RBMS1: variants seen among roughly 807,000 people sequenced by gnomAD.
RBMS1 encodes RNA binding motif single stranded interacting protein 1.
Under a neutral mutation model 62.3 loss-of-function variants are expected in RBMS1, and 17 were observed. The ratio of observed to expected loss-of-function variants is 0.27; its 90% confidence interval spans 0.19 to 0.41. RBMS1 has a LOEUF of 0.41. Among genes scored for constraint, RBMS1 ranks in the 10% least tolerant of loss-of-function variants. The pLI is 1.00. For missense variants in RBMS1, 334 were observed against 504.5 expected (o/e 0.66, Z 3.24); for synonymous variants, 172 against 170.0 (o/e 1.01, Z -0.09).
intron 4 of RBMS1, among the ~76,000 whole-genome samples, chr2:160,305,303 A>C (rs1316684201): frequency 2.0e-5 from 3 of 152,236 alleles, no homozygotes; most frequent in Non-Finnish European, 4.4e-5. Context: ...AGCTCCAGTC[A>C]TGGTAAGTGC....
chr2:160,403,303 C>T (rs1695529671), intron 1 of RBMS1, among the ~76,000 whole-genome samples: 1 of 152,220 alleles, frequency 6.6e-6, no homozygotes, highest in South Asian at 2.1e-4. Flanking sequence ...AGCTTGAAGA[C>T]GTTTACTTTC....
chr2:160,407,616 C>T (rs1284346459), intron 1 of RBMS1: 14 of 982,018 alleles, frequency 1.4e-5, no homozygotes, highest in Non-Finnish European at 1.7e-5. Flanking sequence ...AAGGAGGTGG[C>T]CGGCCGGGCC....
At chr2:160,381,832 G>A (rs1694299648) in intron 1 of RBMS1, among the ~76,000 whole-genome samples, 2 of 152,202 alleles carry the variant, frequency 1.3e-5, no homozygotes, top group South Asian at 2.1e-4. Flanking sequence ...GAGTGACACG[G>A]CCTTCCTTCC....
At chr2:160,427,022 G>A (rs1343225130) in intron 1 of RBMS1, among the ~76,000 whole-genome samples, 3 of 152,138 alleles carry the variant, frequency 2.0e-5, no homozygotes, top group Non-Finnish European at 2.9e-5. Context: ...CTGTATGTTT[G>A]TTAATTCTGC....
intron 2 of RBMS1, among the ~76,000 whole-genome samples, chr2:160,337,517 C>T (rs1559404273): frequency 6.6e-6 from 1 of 152,128 alleles, no homozygotes; most frequent in Admixed American, 6.5e-5. Flanking sequence ...GAACATCCTA[C>T]AATTCTTCCT....
At chr2:160,397,912 T>C (rs1193954138) in intron 1 of RBMS1, among the ~76,000 whole-genome samples, 1 of 152,194 alleles carries the variant, frequency 6.6e-6, no homozygotes, top group Non-Finnish European at 1.5e-5. Flanking sequence ...CTACTTTGCC[T>C]AAGGCTCCCC....
chr2:160,419,512 A>C (rs779077116), intron 1 of RBMS1, among the ~76,000 whole-genome samples: 1 of 152,210 alleles, frequency 6.6e-6, no homozygotes, highest in Non-Finnish European at 1.5e-5. Flanking sequence ...CTATCATTTA[A>C]CATTTAAAAG....
At chr2:160,339,947 G>A (rs1385380289) in intron 2 of RBMS1, among the ~76,000 whole-genome samples, 1 of 152,060 alleles carries the variant, frequency 6.6e-6, no homozygotes, top group East Asian at 1.9e-4. Flanking sequence ...TGATGTCTCA[G>A]TCATTCTCAC....
At chr2:160,379,638 A>G (rs970682333) in intron 1 of RBMS1, among the ~76,000 whole-genome samples, 2 of 152,240 alleles carry the variant, frequency 1.3e-5, no homozygotes, top group Non-Finnish European at 2.9e-5. Flanking sequence ...ATCGGATGCA[A>G]CATTTTTTCT....
intron 1 of RBMS1, among the ~76,000 whole-genome samples, chr2:160,479,296 C>T (rs1178146031): frequency 6.6e-6 from 1 of 152,250 alleles, no homozygotes; most frequent in Non-Finnish European, 1.5e-5. Context: ...CAGGGCGCAG[C>T]TCTGGGCTAC....
At position 160,493,444 on chromosome 2, in the gene RBMS1, CCGGCGGCGGCGGCAGCGGCGGCGGCGG is replaced by C; in HGVS notation, c.-108_-82del. 3.5e-6 allele frequency: 5 copies of C among 1,410,562 alleles called. No individual in the cohort carries two copies. The highest frequency in any genetic ancestry group is 1.8e-4 in the Middle Eastern group (1 of 5,664). 87.4% of individuals were successfully genotyped at this position (1,410,562 alleles called of 1,614,324 possible). ...CTCGGGCTCTCCTGCCTCTCCCTTT[CCGGCGGCGGCGGCAGCGGCGGCGGCGG>C]CGGCGGCTGCTGCTGCTGCCGCTGC... On this transcript the variant is annotated 5_prime_UTR_variant, in exon 1 of 14. Coordinates refer to ENST00000348849, the MANE Select transcript of RBMS1 (RefSeq NM_016836.4).
At chr2:160,475,040 T>C (rs1685068058) in intron 1 of RBMS1, among the ~76,000 whole-genome samples, 1 of 152,230 alleles carries the variant, frequency 6.6e-6, no homozygotes, top group Non-Finnish European at 1.5e-5. Context: ...TAACTAATTT[T>C]CTTAGAAAGT....
intron 1 of RBMS1, among the ~76,000 whole-genome samples, chr2:160,450,563 T>G (rs57747874): frequency 8.2e-6 from 1 of 122,390 alleles, no homozygotes; most frequent in African/African-American, 3.0e-5. Context: ...AAATAAAAAA[T>G]GAAAAAAAAA....
At chr2:160,356,516 GCA>G (rs1692811497) in intron 2 of RBMS1, among the ~76,000 whole-genome samples, 1 of 152,102 alleles carries the variant, frequency 6.6e-6, no homozygotes, top group South Asian at 2.1e-4. Context: ...GAGGCAGAAA[GCA>G]CAGTGGTTCA....
chr2:160,311,224 CTATCTATCTA>C (rs1460993110), intron 4 of RBMS1, among the ~76,000 whole-genome samples: 1 of 56,634 alleles, frequency 1.8e-5, no homozygotes, highest in African/African-American at 6.2e-5. Context: ...ATCTATCTAT[CTATCTATCTA>C]TATATATATA....
chr2:160,490,060 T>G (rs1685756549), intron 1 of RBMS1, among the ~76,000 whole-genome samples: 1 of 152,106 alleles, frequency 6.6e-6, no homozygotes, highest in African/African-American at 2.4e-5. Context: ...ATGCAGCCAC[T>G]GGTTGAAAAT....
chr2:160,354,452 G>T (rs1200529093), intron 2 of RBMS1, among the ~76,000 whole-genome samples: 2 of 152,048 alleles, frequency 1.3e-5, no homozygotes, highest in Non-Finnish European at 2.9e-5. Context: ...AAGGGACAGT[G>T]AAAACAATTC....
intron 9 of RBMS1, chr2:160,282,382 T>C: frequency 7.9e-7 from 1 of 1,266,908 alleles, no homozygotes; most frequent in Non-Finnish European, 1.1e-6. Flanking sequence ...CCCATTGGGG[T>C]TGGTGGTTTC....
At chr2:160,425,659 C>T (rs1423948618) in intron 1 of RBMS1, among the ~76,000 whole-genome samples, 1 of 152,130 alleles carries the variant, frequency 6.6e-6, no homozygotes, top group Non-Finnish European at 1.5e-5. Context: ...CGGACTCTAA[C>T]CCAGCTAAAC....
Sources: gnomAD v4.1 joint callset for allele counts (sites outside exome capture counted in the v4.1 genomes callset) on GRCh38, gnomAD v4.1.1 for gene constraint, MANE v1.5 for transcripts, NCBI Gene and HGNC (gene_info 2026-07-23, HGNC 2026-07-21) for gene names.